FADS6: variants seen among roughly 807,000 people sequenced by gnomAD.
FADS6 encodes the protein fatty acid desaturase 6, also known as fatty acid desaturase domain family, member 6.
A neutral mutation model predicts 31.7 loss-of-function variants in FADS6; 28 were observed. The observed-to-expected ratio is 0.88, with a 90% CI of 0.66 to 1.21. The LOEUF (loss-of-function observed/expected upper bound fraction) is 1.21. FADS6 is among the 50% of genes most tolerant of loss of function. FADS6 has a pLI of 0.00. For synonymous variants in FADS6, 191 were observed against 213.1 expected (o/e 0.90, Z 0.90); for missense variants, 494 against 504.2 (o/e 0.98, Z 0.19).
downstream of FADS6, among the ~76,000 whole-genome samples, chr17:74,875,498 C>T (rs955337725): frequency 1.3e-5 from 2 of 152,198 alleles, no homozygotes; most frequent in African/African-American, 4.8e-5. Flanking sequence ...TCAAAGCAAT[C>T]GAGTGACTTG....
rs1195632576 is a variant in FADS6, at chr17:74,893,340, C to G, written c.244+12G>C. On this transcript the variant is annotated intron_variant, in intron 1 of 5. Coordinates refer to ENST00000612771, the MANE Select transcript of FADS6 (RefSeq NM_178128.6). ...CAGCCCGGCCGGGACGCCGGGTCCC[C>G]GCGTTCCTCACCTGCCGGCAAGGCG... The G allele has an allele frequency of 4.6e-6, 7 of 1,510,630 alleles. No individual in the cohort carries two copies. The highest frequency in any genetic ancestry group is 6.2e-6 in the Non-Finnish European group (7 of 1,135,714). The allele number at this position is 1,510,630 out of a possible 1,614,324, so 93.6% of individuals were successfully genotyped here. A position where few individuals can be genotyped will look rare whatever the true frequency, so the allele number is the denominator to read the frequency against.
rs914607709 is a variant in FADS6 at position 74,877,942 on chromosome 17, C to G, written c.*389G>C. On this transcript the variant is annotated 3_prime_UTR_variant, in exon 6 of 6. Coordinates refer to ENST00000612771, the MANE Select transcript of FADS6 (RefSeq NM_178128.6). ...CCCAGCCGAGGGAGCTGACCCTGTT[C>G]TCTCTGTGCCCCCTGCTATCTCCCA... 1.0e-6 allele frequency: 1 copy of G among 1,000,462 alleles called. No individual in the cohort carries two copies. Among genetic ancestry groups the G allele is most frequent in the Admixed American group, 5.9e-5 (1 of 16,870 alleles). 62.0% of individuals were successfully genotyped at this position (1,000,462 alleles called of 1,614,324 possible). A position where few individuals can be genotyped will look rare whatever the true frequency, so the allele number is the denominator to read the frequency against.
downstream of FADS6, among the ~76,000 whole-genome samples, chr17:74,875,261 C>T (rs796612138): frequency 2.0e-4 from 31 of 152,252 alleles, 2 homozygotes; most frequent in African/African-American, 7.5e-4. Context: ...TTGTTGTAGA[C>T]ATTAAAATCA....
At chr17:74,882,868 A>G in intron 2 of FADS6, 158 bp from the exon 3 acceptor site, 1 of 1,496,296 alleles carries the variant, frequency 6.7e-7, no homozygotes, top group Non-Finnish European at 8.9e-7. Flanking sequence ...TTGACCATCA[A>G]CTCTCAGGTA....
At chr17:74,891,646 A>G (rs2144727183) in intron 2 of FADS6, among the ~76,000 whole-genome samples, 1 of 152,232 alleles carries the variant, frequency 6.6e-6, no homozygotes, top group East Asian at 1.9e-4. Flanking sequence ...GGAGGGGAAG[A>G]AGCAGGGGAT....
At position 74,893,402 on chromosome 17, in the gene FADS6, T is replaced by C. The variant is rs774116882; in HGVS notation, c.194A>G (p.His65Arg). The change falls in exon 1 of 6, where the codon CAC (histidine) becomes CGC (arginine). Residue 65 changes from histidine (H) to arginine (R), a missense_variant. By Grantham distance (29) the His-to-Arg change is conservative. Around this residue, in one of 2 missense-constraint regions of FADS6, gnomAD observed 454 missense variants for 438.5 expected, o/e 1.04. Transcript: ENST00000612771. ...VVRTSSWWER[H>R]GVDCAILALS... The stretch of plus-strand genomic sequence containing the variant: ...CGCGAGGATGGCGCAGTCCACGCCG[T>C]GGCGCTCCCACCAGGAGCTCGTCCT... 3 of 1,546,464 alleles carry C rather than the reference T, an allele frequency of 1.9e-6. No individual in the cohort carries two copies. The highest frequency in any genetic ancestry group is 2.6e-6 in the Non-Finnish European group (3 of 1,148,048).
At position 74,878,479 on chromosome 17, in the gene FADS6, T is replaced by C. The variant is rs2038531756; in HGVS notation, c.961-2A>G. 6.2e-7 allele frequency: 1 copy of C among 1,613,694 alleles called. No homozygotes were observed. The highest frequency in any genetic ancestry group is 1.3e-5 in the African/African-American group (1 of 75,054). ...GAACTGGGACACCACGGGCTTCACCTGGTGGAAGATGGGCAGGAGAGGGCC... is the reference window on the plus strand; with the variant it reads ...GAACTGGGACACCACGGGCTTCACCCGGTGGAAGATGGGCAGGAGAGGGCC... On this transcript the variant is annotated splice_acceptor_variant, in intron 5 of 5. Transcript: ENST00000612771. LOFTEE classifies it high-confidence loss of function.
intron 3 of FADS6, among the ~76,000 whole-genome samples, chr17:74,882,094 C>G (rs934047101): frequency 6.6e-6 from 1 of 152,088 alleles, no homozygotes; most frequent in Non-Finnish European, 1.5e-5. Flanking sequence ...CACCACCACG[C>G]CCAGCTAATT....
rs954835202 is a variant in FADS6, at chr17:74,878,242, C to G, written c.*89G>C. ...CTCCACTCTCCAGGTCCACCACCAG[C>G]CACTGAGCCACACCCCCTGGACCAG... On this transcript the variant is annotated 3_prime_UTR_variant, in exon 6 of 6. Transcript: ENST00000612771. 4 of 1,483,424 alleles carry G rather than the reference C, an allele frequency of 2.7e-6. No homozygotes were observed. In the Admixed American group the frequency reaches 9.1e-5, roughly 34 times the overall value. The allele number at this position is 1,483,424 out of a possible 1,614,324, so 91.9% of individuals were successfully genotyped here.
downstream of FADS6, among the ~76,000 whole-genome samples, chr17:74,876,646 A>C (rs1418621231): frequency 1.3e-5 from 2 of 152,036 alleles, no homozygotes; most frequent in Non-Finnish European, 2.9e-5. Context: ...AAATACAAAA[A>C]ATTAGCCAGG....
chr17:74,879,637 C>A, intron 4 of FADS6, 54 bp from the exon 5 acceptor site: 3 of 1,556,320 alleles, frequency 1.9e-6, no homozygotes, highest in South Asian at 1.2e-5. Flanking sequence ...CACCCCACTC[C>A]AGGTGTCCTG....
At position 74,878,317 on chromosome 17, in the gene FADS6, C is replaced by T; in HGVS notation, c.*14G>A. ...GCCAGGGAGGGGCAGGGTGGCTGCA[C>T]CGGCCCGGCCTCATTACAGCCCCAC... On this transcript the variant is annotated 3_prime_UTR_variant, in exon 6 of 6. Transcript: ENST00000612771. 1 of 1,608,216 alleles carries T rather than the reference C, an allele frequency of 6.2e-7. No individual in the cohort carries two copies.
rs534664810 is a variant in FADS6 at position 74,881,996 on chromosome 17, T to A, written c.592+534A>T. ...TGTAGCCCAAGCTGGAGTGCAATGGTGAGATCTCGGCTCACTGCAACCTCC... is the reference window on the plus strand; with the variant it reads ...TGTAGCCCAAGCTGGAGTGCAATGGAGAGATCTCGGCTCACTGCAACCTCC... On this transcript the variant is annotated intron_variant, in intron 3 of 5. Coordinates refer to ENST00000612771, the MANE Select transcript of FADS6 (RefSeq NM_178128.6). Among the ~76,000 whole-genome samples the A allele has an allele frequency of 7.2e-5, 11 of 151,810 alleles. No individual in the cohort carries two copies. The South Asian group carries it at 2.3e-3, about 32-fold the overall frequency.
chr17:74,879,343 C>T (rs995312965), intron 5 of FADS6, 61 bp downstream of exon 5: 2 of 1,572,002 alleles, frequency 1.3e-6, no homozygotes, highest in Middle Eastern at 1.7e-4. Flanking sequence ...GCCGAAGAAT[C>T]TTCCTTTCCA....
At chr17:74,888,491 A>G (rs1233667356) in intron 2 of FADS6, among the ~76,000 whole-genome samples, 1 of 152,166 alleles carries the variant, frequency 6.6e-6, no homozygotes, top group Non-Finnish European at 1.5e-5. Flanking sequence ...GGTAATGGTC[A>G]CACTGAACGC....
At chr17:74,886,484 C>G (rs1041251815) in intron 2 of FADS6, among the ~76,000 whole-genome samples, 1 of 104,688 alleles carries the variant, frequency 9.6e-6, no homozygotes, top group African/African-American at 3.7e-5. Context: ...AAAAAAAAAA[C>G]TAAAAGAGGA....
intron 2 of FADS6, 150 bp downstream of exon 2, chr17:74,892,373 T>C (rs1337918826): frequency 3.2e-6 from 3 of 946,560 alleles, no homozygotes; most frequent in African/African-American, 1.7e-5. Flanking sequence ...CTGTAGTGCA[T>C]ACTGCACCAG....
chr17:74,891,100 T>A (rs1009380481), intron 2 of FADS6, among the ~76,000 whole-genome samples: 5 of 148,848 alleles, frequency 3.4e-5, no homozygotes, highest in Non-Finnish European at 7.4e-5. Flanking sequence ...CAGTACAGCT[T>A]TTTTCTTTTT....
At chr17:74,876,304 C>A (rs756415278), downstream of FADS6, among the ~76,000 whole-genome samples, 2 of 152,134 alleles carry the variant, frequency 1.3e-5, no homozygotes, top group African/African-American at 2.4e-5. Flanking sequence ...CTATCCAAGG[C>A]CTTCACTGAA....
Sources: gnomAD v4.1 joint callset for allele counts (sites outside exome capture counted in the v4.1 genomes callset) on GRCh38, gnomAD v4.1.1 for gene constraint, gnomAD v4.1.1 regional missense constraint, MANE v1.5 for transcripts, NCBI Gene and HGNC (gene_info 2026-07-23, HGNC 2026-07-21) for gene names.